IL2RA: variants seen among roughly 807,000 people sequenced by gnomAD.
The protein encoded by IL2RA is interleukin 2 receptor subunit alpha, also known as interleukin-2 receptor subunit alpha.
A neutral mutation model predicts 37.8 loss-of-function variants in IL2RA; 24 were observed. The observed-to-expected ratio is 0.63, with a 90% CI of 0.46 to 0.89. The LOEUF is 0.89. Ranked by LOEUF, IL2RA falls within the 40% of genes least tolerant of loss-of-function variation. The pLI, the probability that IL2RA is intolerant of heterozygous loss-of-function variation, is 0.00. For missense variants in IL2RA, 319 were observed against 348.6 expected (o/e 0.92, Z 0.68); for synonymous variants, 125 against 114.6 (o/e 1.09, Z -0.58).
intron 1 of IL2RA, among the ~76,000 whole-genome samples, chr10:6,050,246 T>C (rs1351843242): frequency 6.6e-6 from 1 of 152,210 alleles, no homozygotes; most frequent in African/African-American, 2.4e-5. Context: ...GCTTCCTGTG[T>C]CGGCCTGAAT....
At chr10:6,040,863 G>A (rs1409069248) in intron 1 of IL2RA, among the ~76,000 whole-genome samples, 1 of 152,188 alleles carries the variant, frequency 6.6e-6, no homozygotes, top group Admixed American at 6.5e-5. Context: ...GACGGTTAAA[G>A]TATTAGAACT....
chr10:6,019,596 C>G, intron 5 of IL2RA, 97 bp from the exon 6 acceptor site: 1 of 956,554 alleles, frequency 1.0e-6, no homozygotes, highest in Admixed American at 1.7e-5. Flanking sequence ...ATGAGAAGCT[C>G]AGAGGCTGGT....
In IL2RA at chr10:6,057,807, C is replaced by A. The variant is rs143595802; in HGVS notation, c.64+4281G>T. 4.6e-5 allele frequency among the ~76,000 whole-genome samples: 7 copies of A among 152,138 alleles called. No individual in the cohort carries two copies. In the East Asian group the frequency reaches 1.2e-3, roughly 25 times the overall value. ...GCCTGCCTTGATGATATCCATAGCT[C>A]GCAGAAGAATGACTCCAACAAAAAA... On this transcript the variant is annotated intron_variant, in intron 1 of 7. Transcript: ENST00000379959. This position sits in a 1 kb window ranked among gnomAD's most constrained non-coding sequence, Gnocchi z 4.8.
intron 1 of IL2RA, among the ~76,000 whole-genome samples, chr10:6,041,393 G>C (rs113176429): frequency 2.0e-5 from 3 of 152,224 alleles, no homozygotes; most frequent in Admixed American, 6.5e-5. Flanking sequence ...GGGATTACAG[G>C]GGGGAGCCAC....
intron 1 of IL2RA, among the ~76,000 whole-genome samples, chr10:6,042,380 A>G (rs1286376867): frequency 6.6e-6 from 1 of 152,034 alleles, no homozygotes; most frequent in Non-Finnish European, 1.5e-5. Context: ...AAAGAAACTT[A>G]TTTAACCAAT....
At chr10:6,034,795 G>A (rs1050219511) in intron 1 of IL2RA, among the ~76,000 whole-genome samples, 2 of 152,022 alleles carry the variant, frequency 1.3e-5, no homozygotes, top group African/African-American at 2.4e-5. Flanking sequence ...ATTCTCTCCC[G>A]GAATATTTTC....
chr10:6,013,507 T>C (rs1321183128), intron 7 of IL2RA, among the ~76,000 whole-genome samples: 1 of 152,340 alleles, frequency 6.6e-6, no homozygotes, highest in African/African-American at 2.4e-5. Context: ...AGAGTTCCCA[T>C]AGCACAAGAC....
intron 1 of IL2RA, among the ~76,000 whole-genome samples, chr10:6,043,457 G>A (rs192965304): frequency 6.0e-5 from 9 of 150,008 alleles, no homozygotes; most frequent in Admixed American, 6.0e-4. Context: ...GTTTTTTTTT[G>A]AGATGGAGTC....
rs937820609 is a variant in IL2RA at position 6,020,587 on chromosome 10, G to A, written c.584-646C>T. On this transcript the variant is annotated intron_variant, in intron 4 of 7. Transcript: ENST00000379959. The surrounding 1 kb of genome is among the most constrained non-coding windows in gnomAD (Gnocchi z 5.6). ...GTCTTGCTGTTGCCCAGGCTGGAGT[G>A]CAGTGGTGTGATCTCAGCTCACTGC... Among the ~76,000 whole-genome samples, 1 of 151,858 alleles carries A rather than the reference G, an allele frequency of 6.6e-6. No individual in the cohort carries two copies. Among genetic ancestry groups the A allele is most frequent in the African/African-American group, 2.4e-5 (1 of 41,290 alleles).
Position 6,036,598 on chromosome 10 carries a change from A to G in IL2RA, c.65-10573T>C, listed in dbSNP as rs1025512721. ...AGCGGCTCTTCCCTGACGTGGAATTATGAGCCCTCTTTCTTCGATTTTGCC... is the reference window on the plus strand; with the variant it reads ...AGCGGCTCTTCCCTGACGTGGAATTGTGAGCCCTCTTTCTTCGATTTTGCC... On this transcript the variant is annotated intron_variant, in intron 1 of 7. Transcript: ENST00000379959. This position sits in a 1 kb window ranked among gnomAD's most constrained non-coding sequence, Gnocchi z 6.1. Among the ~76,000 whole-genome samples the G allele has an allele frequency of 2.6e-5, 4 of 152,232 alleles. No individual in the cohort carries two copies. The highest frequency in any genetic ancestry group is 9.6e-5 in the African/African-American group (4 of 41,464).
At chr10:6,031,451 TATA>T (rs1839575215) in intron 1 of IL2RA, among the ~76,000 whole-genome samples, 2 of 66,956 alleles carry the variant, frequency 3.0e-5, no homozygotes, top group African/African-American at 6.8e-5. Context: ...AGTATATATA[TATA>T]CATATATATA....
rs779340760 is a variant in IL2RA at position 6,048,665 on chromosome 10, A to G, written c.64+13423T>C. The stretch of plus-strand genomic sequence containing the variant: ...CATGGACTTCCATGGAGGTTACTCA[A>G]TGCCCTATGGGTTTGCCTTTCTGCT... On this transcript the variant is annotated intron_variant, in intron 1 of 7. Coordinates refer to ENST00000379959, the MANE Select transcript of IL2RA (RefSeq NM_000417.3). This position sits in a 1 kb window ranked among gnomAD's most constrained non-coding sequence, Gnocchi z 5.3. Among the ~76,000 whole-genome samples, 13 of 152,338 alleles carry G rather than the reference A, an allele frequency of 8.5e-5. No homozygotes were observed. The highest frequency in any genetic ancestry group is 1.9e-4 in the East Asian group (1 of 5,188).
intron 1 of IL2RA, among the ~76,000 whole-genome samples, chr10:6,030,061 A>T (rs1839551812): frequency 6.6e-6 from 1 of 152,220 alleles, no homozygotes; most frequent in Non-Finnish European, 1.5e-5. Flanking sequence ...AAATGAGCCT[A>T]GCCGGGGCTT....
In IL2RA at chr10:6,035,459, A is replaced by G. The variant is rs899898111; in HGVS notation, c.65-9434T>C. 1.3e-5 allele frequency among the ~76,000 whole-genome samples: 2 copies of G among 152,200 alleles called. No homozygotes were observed. Among genetic ancestry groups the G allele is most frequent in the Non-Finnish European group, 2.9e-5 (2 of 68,040 alleles). Reference sequence around the variant, plus strand: ...GGGCTGGATTTTCTCTGTTGCACACATGCTTAGTATCTGTCTCTCCCTTTG... The same window carrying G: ...GGGCTGGATTTTCTCTGTTGCACACGTGCTTAGTATCTGTCTCTCCCTTTG... On this transcript the variant is annotated intron_variant, in intron 1 of 7. Coordinates refer to ENST00000379959, the MANE Select transcript of IL2RA (RefSeq NM_000417.3). This position sits in a 1 kb window ranked among gnomAD's most constrained non-coding sequence, Gnocchi z 5.4.
At chr10:6,049,179 A>G (rs1227221955) in intron 1 of IL2RA, among the ~76,000 whole-genome samples, 1 of 152,218 alleles carries the variant, frequency 6.6e-6, no homozygotes, top group Non-Finnish European at 1.5e-5. Context: ...TGAGGAGCAG[A>G]GGGGCCCTGC....
Position 6,047,994 on chromosome 10 carries a change from C to A in IL2RA, c.64+14094G>T, listed in dbSNP as rs1310718819. Reference sequence around the variant, plus strand: ...ACTTGCCCAGAGACACACAGCCCCTCAGTGGTGGAGCTAGGACTTGGACCC... The same window carrying A: ...ACTTGCCCAGAGACACACAGCCCCTAAGTGGTGGAGCTAGGACTTGGACCC... On this transcript the variant is annotated intron_variant, in intron 1 of 7. Coordinates refer to ENST00000379959, the MANE Select transcript of IL2RA (RefSeq NM_000417.3). This position sits in a 1 kb window ranked among gnomAD's most constrained non-coding sequence, Gnocchi z 5.0. 6.6e-6 allele frequency among the ~76,000 whole-genome samples: 1 copy of A among 152,210 alleles called. No homozygotes were observed. Among genetic ancestry groups the A allele is most frequent in the African/African-American group, 2.4e-5 (1 of 41,464 alleles).
intron 1 of IL2RA, among the ~76,000 whole-genome samples, chr10:6,034,560 A>G (rs1839650264): frequency 6.6e-6 from 1 of 152,178 alleles, no homozygotes; most frequent in Non-Finnish European, 1.5e-5. Flanking sequence ...GGAGGATTCC[A>G]CTTATATGAC....
chr10:6,050,271 C>T (rs1839929188), intron 1 of IL2RA, among the ~76,000 whole-genome samples: 1 of 152,304 alleles, frequency 6.6e-6, no homozygotes, highest in East Asian at 1.9e-4. Context: ...GGGTTCTGCT[C>T]AGATCTACTG....
chr10:6,025,867 A>G lies in IL2RA; in HGVS notation c.223T>C (p.Ser75Pro). Reference protein sequence around the residue: ...MLCTGNSSHSSWDNQCQCTSS... With the variant: ...MLCTGNSSHSPWDNQCQCTSS... ...GTGCATTGACATTGGTTGTCCCAGGACGAGTGGCTAGAGTTTCCTGTACAG... is the reference window on the plus strand; with the variant it reads ...GTGCATTGACATTGGTTGTCCCAGGGCGAGTGGCTAGAGTTTCCTGTACAG... The change falls in exon 2 of 8, where the codon TCC becomes CCC. Residue 75 changes from serine (S) to proline (P), a missense_variant. By Grantham distance (74) the Ser-to-Pro change is moderately conservative (BLOSUM62 -1). Coordinates refer to ENST00000379959, the MANE Select transcript of IL2RA (RefSeq NM_000417.3). The surrounding 1 kb of genome is among the most constrained non-coding windows in gnomAD (Gnocchi z 4.4). 6.2e-7 allele frequency: 1 copy of G among 1,614,234 alleles called. No individual in the cohort carries two copies. The highest frequency in any genetic ancestry group is 8.5e-7 in the Non-Finnish European group (1 of 1,180,024).
Sources: allele counts gnomAD v4.1 joint callset (sites outside exome capture counted in the v4.1 genomes callset), GRCh38; gene constraint gnomAD v4.1.1; non-coding constraint Gnocchi (gnomAD v3.1); transcripts MANE v1.5; gene names NCBI Gene and HGNC (gene_info 2026-07-23, HGNC 2026-07-21).